AKAP6: variants seen among roughly 807,000 people sequenced by gnomAD.
The protein encoded by AKAP6 is A-kinase anchor protein 6.
A neutral mutation model predicts 188.5 loss-of-function variants in AKAP6; 58 were observed. The ratio of observed to expected loss-of-function variants is 0.31; its 90% CI spans 0.25 to 0.38. The LOEUF is 0.38. Among genes scored for constraint, AKAP6 ranks in the 10% least tolerant of loss-of-function variants. AKAP6 has a pLI of 1.00. For synonymous variants in AKAP6, 989 were observed against 998.6 expected (o/e 0.99, Z 0.18); for missense variants, 2,710 against 2,740.0 (o/e 0.99, Z 0.24).
At chr14:32,735,374 A>G (rs1303348369) in intron 10 of AKAP6, among the ~76,000 whole-genome samples, 2 of 152,088 alleles carry the variant, frequency 1.3e-5, no homozygotes, top group Non-Finnish European at 2.9e-5. Context: ...TCTCCTTTCT[A>G]TTAAAGGAAA....
intron 1 of AKAP6, among the ~76,000 whole-genome samples, chr14:32,372,563 C>CTTT (rs11414064): frequency 2.0e-5 from 3 of 147,938 alleles, no homozygotes; most frequent in Non-Finnish European, 3.0e-5. Flanking sequence ...TTTAAGATCA[C>CTTT]TTTTTTTTTT....
intron 12 of AKAP6, among the ~76,000 whole-genome samples, chr14:32,785,736 ACTT>A (rs1335770815): frequency 2.6e-5 from 4 of 152,186 alleles, no homozygotes; most frequent in African/African-American, 9.7e-5. Flanking sequence ...GTACAGGACA[ACTT>A]CTTTCTCTCA....
chr14:32,613,516 T>G (rs1331562322), intron 7 of AKAP6, among the ~76,000 whole-genome samples: 1 of 152,182 alleles, frequency 6.6e-6, no homozygotes, highest in Non-Finnish European at 1.5e-5. Flanking sequence ...ATTTCTTTTC[T>G]TCTTTTCTGC....
intron 1 of AKAP6, among the ~76,000 whole-genome samples, chr14:32,353,518 G>A (rs1395383465): frequency 1.3e-5 from 2 of 152,186 alleles, no homozygotes; most frequent in African/African-American, 4.8e-5. Context: ...CCGAGATCGT[G>A]CCACTGCACT....
chr14:32,586,137 A>G (rs986979304), intron 5 of AKAP6, among the ~76,000 whole-genome samples: 1 of 152,164 alleles, frequency 6.6e-6, no homozygotes, highest in Non-Finnish European at 1.5e-5. Context: ...ATTTGGGTAT[A>G]GTATTTGAAG....
At chr14:32,482,759 A>C (rs76479911) in intron 2 of AKAP6, among the ~76,000 whole-genome samples, 3,721 of 152,308 alleles carry the variant, frequency 0.024, 159 homozygotes, top group African/African-American at 0.085. Context: ...TACAACTCAG[A>C]AAACGTCCCA....
At chr14:32,467,112 C>G (rs1278090779) in intron 2 of AKAP6, among the ~76,000 whole-genome samples, 1 of 150,604 alleles carries the variant, frequency 6.6e-6, no homozygotes, top group African/African-American at 2.5e-5. Context: ...ATCATTACCT[C>G]GGTGACGAGA....
chr14:32,626,467 C>A (rs1454391351), intron 7 of AKAP6, among the ~76,000 whole-genome samples: 6 of 152,066 alleles, frequency 3.9e-5, no homozygotes, highest in Non-Finnish European at 1.5e-5. Context: ...TGAATAAACT[C>A]AAAATCCTTA....
At chr14:32,583,756 C>T (rs868429400) in intron 5 of AKAP6, among the ~76,000 whole-genome samples, 54 of 152,304 alleles carry the variant, frequency 3.5e-4, no homozygotes, top group Middle Eastern at 3.4e-3. Flanking sequence ...AGCGAGACTC[C>T]GTGGGCGTAG....
chr14:32,731,396 T>C (rs1380292287), intron 9 of AKAP6, among the ~76,000 whole-genome samples: 2 of 152,146 alleles, frequency 1.3e-5, no homozygotes, highest in Non-Finnish European at 2.9e-5. Context: ...TTTGAACTTA[T>C]TGATTTATTT....
chr14:32,620,862 G>GGATTT (rs1008531009), intron 7 of AKAP6, among the ~76,000 whole-genome samples: 2 of 151,356 alleles, frequency 1.3e-5, no homozygotes, highest in Non-Finnish European at 3.0e-5. Flanking sequence ...GGTCTGTTCA[G>GGATTT]GATTTCTATT....
At chr14:32,747,933 A>G (rs1021955463) in intron 11 of AKAP6, among the ~76,000 whole-genome samples, 5 of 152,196 alleles carry the variant, frequency 3.3e-5, no homozygotes, top group Non-Finnish European at 4.4e-5. Context: ...TGGTGTTTGC[A>G]CTGCTGCTGT....
At position 32,344,378 on chromosome 14, in the gene AKAP6, G is replaced by A. The variant is rs575259061; in HGVS notation, c.-35+14970G>A. 7.2e-5 allele frequency among the ~76,000 whole-genome samples: 11 copies of A among 152,308 alleles called. No homozygotes were observed. The East Asian group carries it at 7.7e-4, about 11-fold the overall frequency. ...TGTGCCATGATTGTGCAGAACATACGTAGCTGAGCAAGATAATGGGGAGTC... is the reference window on the plus strand; with the variant it reads ...TGTGCCATGATTGTGCAGAACATACATAGCTGAGCAAGATAATGGGGAGTC... On this transcript the variant is annotated intron_variant, in intron 1 of 13. Coordinates refer to ENST00000280979, the MANE Select transcript of AKAP6 (RefSeq NM_004274.5).
chr14:32,618,324 T>C (rs2139408954), intron 7 of AKAP6, among the ~76,000 whole-genome samples: 1 of 152,272 alleles, frequency 6.6e-6, no homozygotes, highest in Admixed American at 6.5e-5. Flanking sequence ...CAATATGTAG[T>C]TCTTTTATCC....
intron 12 of AKAP6, among the ~76,000 whole-genome samples, chr14:32,805,591 G>A (rs566642579): frequency 1.3e-5 from 2 of 152,264 alleles, no homozygotes; most frequent in East Asian, 1.9e-4. Flanking sequence ...TTAAGCCTCA[G>A]TATCAACTCC....
At chr14:32,640,137 T>C (rs1887692514) in intron 7 of AKAP6, among the ~76,000 whole-genome samples, 1 of 152,056 alleles carries the variant, frequency 6.6e-6, no homozygotes, top group Non-Finnish European at 1.5e-5. Flanking sequence ...AAAGGCAAGA[T>C]AGCACACCTC....
At chr14:32,779,810 A>C (rs2033186093) in intron 12 of AKAP6, among the ~76,000 whole-genome samples, 2 of 152,210 alleles carry the variant, frequency 1.3e-5, no homozygotes, top group Admixed American at 6.5e-5. Context: ...AAAGCAATTT[A>C]ATTGGCACTT....
At chr14:32,658,686 A>G (rs1888554242) in intron 7 of AKAP6, among the ~76,000 whole-genome samples, 1 of 151,722 alleles carries the variant, frequency 6.6e-6, no homozygotes, top group Admixed American at 6.6e-5. Context: ...AATTAACTGC[A>G]TTGAAAACTT....
chr14:32,481,156 A>G (rs1247982007), intron 2 of AKAP6, among the ~76,000 whole-genome samples: 1 of 152,150 alleles, frequency 6.6e-6, no homozygotes, highest in African/African-American at 2.4e-5. Flanking sequence ...ATAAAGATCT[A>G]CTTTATCTGT....
Sources: gnomAD v4.1 joint callset for allele counts (sites outside exome capture counted in the v4.1 genomes callset) on GRCh38, gnomAD v4.1.1 for gene constraint, MANE v1.5 for transcripts, NCBI Gene and HGNC (gene_info 2026-07-23, HGNC 2026-07-21) for gene names.